Variants in SDK1 observed in about 807,000 individuals in gnomAD.
SDK1 encodes the protein protein sidekick-1.
A neutral mutation model predicts 245.5 loss-of-function variants in SDK1; 157 were observed. That is an observed-to-expected ratio of 0.64 (90% CI 0.56 to 0.73). The LOEUF is 0.73. SDK1 is among the 30% of genes least tolerant of loss of function. SDK1 has a pLI of 0.00. For missense variants in SDK1, 3,583 were observed against 3,002.3 expected (o/e 1.19, Z -4.52); for synonymous variants, 1,647 against 1,278.5 (o/e 1.29, Z -6.15).
intron 1 of SDK1, among the ~76,000 whole-genome samples, chr7:3,611,560 C>G (rs1449693909): frequency 6.6e-6 from 1 of 152,064 alleles, no homozygotes; most frequent in African/African-American, 2.4e-5. Flanking sequence ...TGGGTAGATA[C>G]CCAGGAGTGG....
intron 1 of SDK1, among the ~76,000 whole-genome samples, chr7:3,459,618 T>G (rs1780774705): frequency 6.6e-6 from 1 of 152,212 alleles, no homozygotes; most frequent in Admixed American, 6.6e-5. Context: ...TTGGCTCTCT[T>G]TTTTAAAATC....
At position 4,232,080 on chromosome 7, in the gene SDK1, T is replaced by G. The variant is rs572421202; in HGVS notation, c.5828-1175T>G. 3.3e-5 allele frequency among the ~76,000 whole-genome samples: 5 copies of G among 150,176 alleles called. No individual in the cohort carries two copies. The South Asian group carries it at 1.1e-3, about 32-fold the overall frequency. ...TTTTTTTTTAACCAAACAGCCTCCT[T>G]AGAATTGAATTTATACAAACACACG... On this transcript the variant is annotated intron_variant, in intron 40 of 44. Transcript: ENST00000404826.
intron 28 of SDK1, among the ~76,000 whole-genome samples, chr7:4,142,920 T>G (rs1478420050): frequency 6.6e-6 from 1 of 152,206 alleles, no homozygotes; most frequent in Non-Finnish European, 1.5e-5. Flanking sequence ...CCAGAGATGC[T>G]TTTTCCAGGC....
chr7:3,324,205 TA>T (rs960541867), intron 1 of SDK1, among the ~76,000 whole-genome samples: 7 of 152,308 alleles, frequency 4.6e-5, no homozygotes, highest in Non-Finnish European at 7.3e-5. Context: ...TGAAATTGAG[TA>T]GATTGTTTTG....
At chr7:3,956,905 C>T (rs939896199) in intron 7 of SDK1, among the ~76,000 whole-genome samples, 2 of 152,142 alleles carry the variant, frequency 1.3e-5, no homozygotes, top group Non-Finnish European at 2.9e-5. Flanking sequence ...CCCTTCCTGG[C>T]ACTCGAGGGA....
chr7:4,267,464 A>G lies in SDK1; in HGVS notation c.*2080A>G, dbSNP rs6954717. 0.78 allele frequency: 770,915 copies of G among 985,222 alleles called. 301,904 individuals carry two copies. The highest frequency in any genetic ancestry group is 0.89 in the East Asian group (7,826 of 8,762). 61.0% of individuals were successfully genotyped at this position (985,222 alleles called of 1,614,324 possible). On this transcript the variant is annotated 3_prime_UTR_variant, in exon 45 of 45. Coordinates refer to ENST00000404826, the MANE Select transcript of SDK1 (RefSeq NM_152744.4). ...ACCCACAGTTCCCCGGATGAGACTC[A>G]CCACAGTGGACAGTGCCACCTCCTT...
chr7:4,151,242 G>A (rs1451158881), intron 30 of SDK1, among the ~76,000 whole-genome samples: 7 of 152,114 alleles, frequency 4.6e-5, no homozygotes, highest in Non-Finnish European at 8.8e-5. Context: ...GGAAGCCAGC[G>A]CCCCAGTGCA....
intron 1 of SDK1, among the ~76,000 whole-genome samples, chr7:3,576,468 G>A (rs941397683): frequency 6.6e-5 from 10 of 152,062 alleles, no homozygotes; most frequent in African/African-American, 2.4e-4. Flanking sequence ...GTCCCCGTTT[G>A]CAGTGGTCCA....
intron 1 of SDK1, among the ~76,000 whole-genome samples, chr7:3,382,628 T>G (rs1288177172): frequency 6.6e-6 from 1 of 152,186 alleles, no homozygotes; most frequent in African/African-American, 2.4e-5. Context: ...AAAAATCATG[T>G]TTTTGAATAT....
At chr7:3,495,615 A>G (rs150597893) in intron 1 of SDK1, among the ~76,000 whole-genome samples, 2 of 152,282 alleles carry the variant, frequency 1.3e-5, no homozygotes, top group East Asian at 3.9e-4. Flanking sequence ...CATTGATGAA[A>G]TTACTCTTCT....
chr7:3,918,694 G>C (rs1022934416), intron 5 of SDK1, among the ~76,000 whole-genome samples: 4 of 152,132 alleles, frequency 2.6e-5, no homozygotes, highest in Non-Finnish European at 4.4e-5. Flanking sequence ...TGTGAAACCA[G>C]TCCCTGTGCC....
At chr7:4,032,962 G>A (rs1787940305) in intron 17 of SDK1, among the ~76,000 whole-genome samples, 1 of 152,060 alleles carries the variant, frequency 6.6e-6, no homozygotes, top group East Asian at 1.9e-4. Flanking sequence ...AGCTAGAAAA[G>A]TTAATTTAAA....
At chr7:3,525,392 G>T (rs73035962) in intron 1 of SDK1, among the ~76,000 whole-genome samples, 1 of 151,844 alleles carries the variant, frequency 6.6e-6, no homozygotes, top group Admixed American at 6.6e-5. Flanking sequence ...CCTTGCTCCT[G>T]GGGTTGTTTG....
intron 44 of SDK1, among the ~76,000 whole-genome samples, chr7:4,248,245 C>G (rs1199245095): frequency 6.6e-6 from 1 of 151,910 alleles, no homozygotes; most frequent in South Asian, 2.1e-4. Flanking sequence ...CACATGCATA[C>G]CTAAATAGAA....
At chr7:3,424,756 G>C (rs1231883789) in intron 1 of SDK1, among the ~76,000 whole-genome samples, 2 of 152,028 alleles carry the variant, frequency 1.3e-5, no homozygotes, top group African/African-American at 2.4e-5. Context: ...AACTAGCCAG[G>C]CATGGTGGCG....
At position 3,631,384 on chromosome 7, in the gene SDK1, C is replaced by T. The variant is rs567724379; in HGVS notation, c.459-7620C>T. Among the ~76,000 whole-genome samples the T allele has an allele frequency of 4.7e-4, 71 of 152,312 alleles. 1 individual carries two copies. Among genetic ancestry groups the T allele is most frequent in the African/African-American group, 1.7e-3 (69 of 41,572 alleles). On this transcript the variant is annotated intron_variant, in intron 2 of 44. Transcript: ENST00000404826. ...TGTGTGTAACTCCCATCTACATCTT[C>T]GTGAAAAGGGCTTAATTTCTCTAGT...
intron 4 of SDK1, among the ~76,000 whole-genome samples, chr7:3,687,056 AACACACAC>A (rs200034994): frequency 0.012 from 1,586 of 135,240 alleles, 31 homozygotes; most frequent in African/African-American, 0.039. Context: ...ATAGCATCAA[AACACACAC>A]ACACACACAC....
chr7:3,787,935 CAG>C (rs1302652135), intron 4 of SDK1, among the ~76,000 whole-genome samples: 1 of 152,182 alleles, frequency 6.6e-6, no homozygotes, highest in African/African-American at 2.4e-5. Flanking sequence ...AAGCCACTCT[CAG>C]AAGTCTGAAG....
At chr7:3,578,890 A>T (rs1002704022) in intron 1 of SDK1, among the ~76,000 whole-genome samples, 1 of 151,978 alleles carries the variant, frequency 6.6e-6, no homozygotes, top group Admixed American at 6.6e-5. Flanking sequence ...CAGTTAACCC[A>T]ATCAAAGTGG....
Sources: gnomAD v4.1 joint callset for allele counts (sites outside exome capture counted in the v4.1 genomes callset) on GRCh38, gnomAD v4.1.1 for gene constraint, MANE v1.5 for transcripts, NCBI Gene and HGNC (gene_info 2026-07-23, HGNC 2026-07-21) for gene names.